SCP2: variants seen among roughly 807,000 people sequenced by gnomAD.
SCP2 encodes the protein SCP-2/3-oxoacyl-CoA thiolase.
Under a neutral mutation model 71.4 loss-of-function variants are expected in SCP2, and 48 were observed. The ratio of observed to expected loss-of-function variants is 0.67; its 90% CI spans 0.53 to 0.86. SCP2 has a LOEUF of 0.86. Ranked by LOEUF, SCP2 falls within the 40% of genes least tolerant of loss-of-function variation. SCP2 has a pLI of 0.00. For missense variants in SCP2, 560 were observed against 655.6 expected (o/e 0.85, Z 1.59); for synonymous variants, 220 against 218.1 (o/e 1.01, Z -0.08).
At chr1:52,945,335 G>C (rs1271427973) in intron 2 of SCP2, among the ~76,000 whole-genome samples, 1 of 151,910 alleles carries the variant, frequency 6.6e-6, no homozygotes, top group African/African-American at 2.4e-5. Context: ...ACAGGTACTC[G>C]CCACTGTGCA....
At chr1:52,966,668 G>A (rs1656986314) in intron 6 of SCP2, among the ~76,000 whole-genome samples, 1 of 148,034 alleles carries the variant, frequency 6.8e-6, no homozygotes, top group African/African-American at 2.5e-5. Context: ...GGCAGATCAC[G>A]AGGTCAGGAG....
Position 52,927,285 on chromosome 1 carries a change from T to A in SCP2, c.-112T>A. 1.3e-6 allele frequency: 1 copy of A among 771,226 alleles called. No individual in the cohort carries two copies. The highest frequency in any genetic ancestry group is 2.1e-6 in the Non-Finnish European group (1 of 480,236). 47.8% of individuals were successfully genotyped at this position (771,226 alleles called of 1,614,324 possible). ...ACGCACGCGCACTCTCACGCGCCTGTGTTGCCGCCCGCGGCCCTGGCTTCG... is the reference window on the plus strand; with the variant it reads ...ACGCACGCGCACTCTCACGCGCCTGAGTTGCCGCCCGCGGCCCTGGCTTCG... On this transcript the variant is annotated 5_prime_UTR_variant, in exon 1 of 16. Coordinates refer to ENST00000371514, the MANE Select transcript of SCP2 (RefSeq NM_002979.5).
chr1:52,992,104 A>G (rs1659556100), intron 11 of SCP2, among the ~76,000 whole-genome samples: 1 of 152,226 alleles, frequency 6.6e-6, no homozygotes, highest in African/African-American at 2.4e-5. Context: ...AGGTTTCTTG[A>G]GTAGATGTGT....
intron 11 of SCP2, among the ~76,000 whole-genome samples, chr1:53,013,547 A>C (rs1661123879): frequency 6.6e-6 from 1 of 151,964 alleles, no homozygotes; most frequent in Non-Finnish European, 1.5e-5. Context: ...GTGAGCCAAG[A>C]TCGTGCCACT....
At chr1:53,030,142 C>G (rs1478624314) in intron 13 of SCP2, among the ~76,000 whole-genome samples, 1 of 152,176 alleles carries the variant, frequency 6.6e-6, no homozygotes, top group Non-Finnish European at 1.5e-5. Context: ...CCCACCTTGG[C>G]CTCCCAAAGT....
intron 4 of SCP2, among the ~76,000 whole-genome samples, chr1:52,953,650 T>C (rs184120718): frequency 4.6e-4 from 70 of 152,132 alleles, no homozygotes; most frequent in Non-Finnish European, 7.8e-4. Context: ...CTGGCCCGAT[T>C]TTTCCTCTTA....
rs1383574926 is a variant in SCP2, at chr1:53,008,490, A to C, written c.1082-6400A>C. Among the ~76,000 whole-genome samples the C allele has an allele frequency of 3.3e-5, 5 of 152,328 alleles. 1 individual carries two copies. The highest frequency in any genetic ancestry group is 1.2e-4 in the African/African-American group (5 of 41,588). On this transcript the variant is annotated intron_variant, in intron 11 of 15. Coordinates refer to ENST00000371514, the MANE Select transcript of SCP2 (RefSeq NM_002979.5). ...CTGGTTCAACATATGCAAATTAATA[A>C]ATGTAATCCATCATATAAACAGAAC...
chr1:53,034,011 C>G (rs1363169373), intron 13 of SCP2, among the ~76,000 whole-genome samples: 1 of 152,126 alleles, frequency 6.6e-6, no homozygotes, highest in Admixed American at 6.5e-5. Context: ...TGCCTGTAAT[C>G]CCAGCACTTT....
At chr1:52,952,497 G>T (rs1655404248) in intron 4 of SCP2, among the ~76,000 whole-genome samples, 3 of 152,178 alleles carry the variant, frequency 2.0e-5, no homozygotes. Context: ...AAAGTGCTAG[G>T]ATGGCTACAC....
chr1:52,977,557 C>T (rs371612238), intron 8 of SCP2, among the ~76,000 whole-genome samples: 27 of 152,308 alleles, frequency 1.8e-4, no homozygotes, highest in East Asian at 1.3e-3. Context: ...GGAGCTGGGG[C>T]GGTCTGTAGT....
intron 11 of SCP2, among the ~76,000 whole-genome samples, chr1:53,009,137 A>G (rs1345336219): frequency 2.0e-5 from 3 of 152,210 alleles, no homozygotes; most frequent in African/African-American, 7.2e-5. Flanking sequence ...GGACACAAAC[A>G]AATGGAAGAA....
Position 52,980,454 on chromosome 1 carries a change from C to T in SCP2, c.884C>T (p.Thr295Ile). Reference protein sequence around the residue: ...ARKCYEKSGLTPNDIDVIELH... With the variant: ...ARKCYEKSGLIPNDIDVIELH... ...AAATGCTATGAGAAATCTGGCCTGA[C>T]ACCAAATGATATTGACGTAATAGAA... The change falls in exon 10 of 16, where the codon ACA becomes ATA. Residue 295 changes from threonine (T) to isoleucine (I), a missense_variant. Physicochemically the swap from Thr to Ile is moderately conservative, Grantham distance 89. Coordinates refer to ENST00000371514, the MANE Select transcript of SCP2 (RefSeq NM_002979.5). 6.2e-7 allele frequency: 1 copy of T among 1,614,046 alleles called. No individual in the cohort carries two copies. The highest frequency in any genetic ancestry group is 2.2e-5 in the East Asian group (1 of 44,876).
chr1:52,927,321 A>G lies in SCP2; in HGVS notation c.-76A>G. 2 of 1,283,616 alleles carry G rather than the reference A, an allele frequency of 1.6e-6. No homozygotes were observed. The highest frequency in any genetic ancestry group is 2.6e-5 in the East Asian group (1 of 38,740). The allele number at this position is 1,283,616 out of a possible 1,614,324, so 79.5% of individuals were successfully genotyped here. A position where few individuals can be genotyped will look rare whatever the true frequency, so the allele number is the denominator to read the frequency against. On this transcript the variant is annotated 5_prime_UTR_variant, in exon 1 of 16. Coordinates refer to ENST00000371514, the MANE Select transcript of SCP2 (RefSeq NM_002979.5). ...GCGGCCCTGGCTTCGGGCTTCAGGG[A>G]GCTCTGGTGCAGTCTCCGCCTGTCA...
intron 7 of SCP2, among the ~76,000 whole-genome samples, chr1:52,975,715 A>G (rs1044129015): frequency 1.3e-4 from 20 of 152,198 alleles, no homozygotes; most frequent in Admixed American, 1.3e-3. Flanking sequence ...GCTTTTAAGG[A>G]ACTAGTATTC....
intron 10 of SCP2, among the ~76,000 whole-genome samples, chr1:52,981,439 ATTT>A (rs199738997): frequency 7.0e-6 from 1 of 143,348 alleles, no homozygotes; most frequent in Non-Finnish European, 1.5e-5. Context: ...TTCATTAATA[ATTT>A]TTTTTTTTTT....
chr1:52,950,764 C>T lies in SCP2; in HGVS notation c.209C>T (p.Thr70Ile), dbSNP rs1655216521. The change falls in exon 4 of 16, where the codon ACC (threonine) becomes ATC (isoleucine). Residue 70 changes from threonine (T) to isoleucine (I), a missense_variant. By Grantham distance (89) the Thr-to-Ile change is moderately conservative. Transcript: ENST00000371514. The part of the protein sequence containing the change: ...ACVGYVFGDS[T>I]CGQRAIYHSL... ...TTGTTTTTCTATTCAGGTGACTCTACCTGTGGGCAGAGGGCTATCTATCAC... is the reference window on the plus strand; with the variant it reads ...TTGTTTTTCTATTCAGGTGACTCTATCTGTGGGCAGAGGGCTATCTATCAC... 6.2e-7 allele frequency: 1 copy of T among 1,613,512 alleles called. No homozygotes were observed. The highest frequency in any genetic ancestry group is 8.5e-7 in the Non-Finnish European group (1 of 1,179,526).
Position 53,038,923 on chromosome 1 carries a change from G to A in SCP2, c.1345G>A (p.Glu449Lys). Residue 449 changes from glutamate to lysine, a missense_variant, in exon 14 of 16, where the codon GAA (glutamate) becomes AAA (lysine). By Grantham distance (56) the Glu-to-Lys change is moderately conservative. Around this residue, in one of 3 missense-constraint regions of SCP2, gnomAD observed 513 missense variants for 573.1 expected, o/e 0.90. Coordinates refer to ENST00000371514, the MANE Select transcript of SCP2 (RefSeq NM_002979.5). ...EIEKKLEEEG[E>K]QFVKKIGGIF... Reference sequence around the variant, plus strand: ...GTGTTATTTTTCTTTCCAGGAAGGGGAACAGTTTGTGAAGAAAATCGGTGG... The same window carrying A: ...GTGTTATTTTTCTTTCCAGGAAGGGAAACAGTTTGTGAAGAAAATCGGTGG... The A allele has an allele frequency of 6.2e-7, 1 of 1,614,038 alleles. No homozygotes were observed.
chr1:53,037,922 A>AC (rs1553155291), intron 13 of SCP2, among the ~76,000 whole-genome samples: 1,534 of 133,952 alleles, frequency 0.011, 43 homozygotes, highest in African/African-American at 0.029. Context: ...ACACACACAC[A>AC]CACACACAGA....
At chr1:53,036,655 AC>A (rs1482823526) in intron 13 of SCP2, among the ~76,000 whole-genome samples, 6 of 146,772 alleles carry the variant, frequency 4.1e-5, no homozygotes, top group East Asian at 2.0e-4. Context: ...CATTTAAGAT[AC>A]ATATATATAT....
Sources: gnomAD v4.1 joint callset for allele counts (sites outside exome capture counted in the v4.1 genomes callset) on GRCh38, gnomAD v4.1.1 for gene constraint, gnomAD v4.1.1 regional missense constraint, MANE v1.5 for transcripts, NCBI Gene and HGNC (gene_info 2026-07-23, HGNC 2026-07-21) for gene names.